GFRAL: variants seen among roughly 807,000 people sequenced by gnomAD.
GFRAL encodes GDNF family receptor alpha-like.
A neutral mutation model predicts 45.4 loss-of-function variants in GFRAL; 36 were observed. The observed-to-expected ratio is 0.79, with a 90% CI of 0.61 to 1.05. The LOEUF is 1.05. Among genes scored for constraint, GFRAL ranks in the 50% least tolerant of loss-of-function variants. GFRAL has a pLI of 0.00. For synonymous variants in GFRAL, 166 were observed against 154.1 expected, an observed-to-expected ratio of 1.08 and a Z score of -0.57; for missense variants, 507 against 467.5, an observed-to-expected ratio of 1.08 and a Z score of -0.78.
chr6:55,354,125 T>G (rs1438118764), intron 5 of GFRAL, among the ~76,000 whole-genome samples: 1 of 152,060 alleles, frequency 6.6e-6, no homozygotes, highest in African/African-American at 2.4e-5. Context: ...GCATTCAACC[T>G]TCAAAGCATG....
Position 55,399,360 on chromosome 6 carries a change from T to C in GFRAL, c.1049-9T>C. 6.2e-7 allele frequency: 1 copy of C among 1,601,288 alleles called. No homozygotes were observed. The highest frequency in any genetic ancestry group is 8.5e-7 in the Non-Finnish European group (1 of 1,170,010). On this transcript the variant is annotated splice_polypyrimidine_tract_variant and intron_variant, in intron 7 of 8. Coordinates refer to ENST00000340465, the MANE Select transcript of GFRAL (RefSeq NM_207410.2). Reference sequence around the variant, plus strand: ...TGACTATTATTTCTTAATCTTTTTCTTTTTCTAGGAGAAGTAATCTATGCT... The same window carrying C: ...TGACTATTATTTCTTAATCTTTTTCCTTTTCTAGGAGAAGTAATCTATGCT...
rs1458607830 is a variant in GFRAL at position 55,333,909 on chromosome 6, A to T, written c.281A>T (p.Asn94Ile). ...LCTDDFYCTV[N>I]KLLGKKCINK... is the part of the protein sequence containing the mutation. ...ACTGATGACTTCTATTGTACTGTGA[A>T]CAAACTGCTTGGAAAAAAATGTATC... Residue 94 changes from asparagine (N) to isoleucine (I), a missense_variant, in exon 3 of 9, where the codon AAC becomes ATC. Asn to Ile is a moderately radical substitution (Grantham distance 149). Coordinates refer to ENST00000340465, the MANE Select transcript of GFRAL (RefSeq NM_207410.2). 2 of 1,571,572 alleles carry T rather than the reference A, an allele frequency of 1.3e-6. No homozygotes were observed.
chr6:55,368,608 A>G (rs1336838414), intron 6 of GFRAL, among the ~76,000 whole-genome samples: 2 of 151,152 alleles, frequency 1.3e-5, no homozygotes, highest in East Asian at 2.0e-4. Flanking sequence ...GGTGATGTAC[A>G]GATGGGTTTT....
chr6:55,328,440 G>A (rs10498803), intron 1 of GFRAL, among the ~76,000 whole-genome samples: 3,203 of 151,806 alleles, frequency 0.021, 56 homozygotes, highest in Middle Eastern at 0.044. Flanking sequence ...AAATTGTATC[G>A]AACATAAAAG....
chr6:55,327,671 T>C (rs973961873), intron 1 of GFRAL, 95 bp downstream of exon 1: 2 of 1,117,772 alleles, frequency 1.8e-6, no homozygotes, highest in Non-Finnish European at 2.7e-6. Context: ...CAGGGGCTTA[T>C]AATATGAAGT....
At chr6:55,394,416 CAGA>C (rs1203402950) in intron 6 of GFRAL, among the ~76,000 whole-genome samples, 1 of 151,984 alleles carries the variant, frequency 6.6e-6, no homozygotes, top group Admixed American at 6.6e-5. Context: ...TTGAAGACAG[CAGA>C]AGAAGCCAGT....
At chr6:55,383,536 G>C (rs1210209412) in intron 6 of GFRAL, among the ~76,000 whole-genome samples, 1 of 151,952 alleles carries the variant, frequency 6.6e-6, no homozygotes, top group African/African-American at 2.4e-5. Flanking sequence ...GTAACATGCT[G>C]TACGGGTTTG....
At position 55,351,548 on chromosome 6, in the gene GFRAL, T is replaced by C; in HGVS notation, c.666T>C (p.Ser222=). ...VNMVPPPTCL[S]VIRSCQNDEL... is the part of the protein sequence containing the mutation. ...TGGTTCCACCCCCTACTTGCCTCAGTGTAATTCGCAGCTGCCAAAATGATG... is the reference window on the plus strand; with the variant it reads ...TGGTTCCACCCCCTACTTGCCTCAGCGTAATTCGCAGCTGCCAAAATGATG... The change falls in exon 5 of 9, where the codon AGT becomes AGC. Residue 222 remains serine, a synonymous_variant. Coordinates refer to ENST00000340465, the MANE Select transcript of GFRAL (RefSeq NM_207410.2). The C allele has an allele frequency of 6.2e-7, 1 of 1,602,074 alleles. No homozygotes were observed. Among genetic ancestry groups the C allele is most frequent in the African/African-American group, 1.3e-5 (1 of 74,772 alleles).
At chr6:55,353,988 G>A (rs568760506) in intron 5 of GFRAL, among the ~76,000 whole-genome samples, 2 of 152,054 alleles carry the variant, frequency 1.3e-5, no homozygotes, top group East Asian at 3.9e-4. Context: ...CCAGGGCCAG[G>A]GGCACCATGG....
chr6:55,358,917 G>C lies in GFRAL; in HGVS notation c.731G>C (p.Cys244Ser), dbSNP rs758768423. The C allele has an allele frequency of 6.2e-7, 1 of 1,612,412 alleles. No homozygotes were observed. The highest frequency in any genetic ancestry group is 1.1e-5 in the South Asian group (1 of 91,048). ...CACTATAGAACATTTCAGTCAAAAT[G>C]CTGGCAGCGTGTGACTAGAAAGTGC... is the stretch of plus-strand genomic sequence containing the variant. The part of the protein sequence containing the change: ...RRHYRTFQSK[C>S]WQRVTRKCHE... Residue 244 changes from cysteine to serine, a missense_variant, in exon 6 of 9, where the codon TGC (cysteine) becomes TCC (serine). Physicochemically the swap from Cys to Ser is moderately radical, Grantham distance 112 (BLOSUM62 -1). Coordinates refer to ENST00000340465, the MANE Select transcript of GFRAL (RefSeq NM_207410.2).
intron 6 of GFRAL, among the ~76,000 whole-genome samples, chr6:55,396,725 T>G (rs1768830055): frequency 6.6e-6 from 1 of 152,116 alleles, no homozygotes; most frequent in Non-Finnish European, 1.5e-5. Context: ...AAAAAAAGTA[T>G]TATTTAAAAT....
chr6:55,338,525 C>A (rs892971791), intron 3 of GFRAL, among the ~76,000 whole-genome samples: 1 of 151,946 alleles, frequency 6.6e-6, no homozygotes, highest in African/African-American at 2.4e-5. Context: ...ATAATAATTG[C>A]CAAATATCAC....
chr6:55,361,499 T>A (rs1334809250), intron 6 of GFRAL, among the ~76,000 whole-genome samples: 1 of 152,050 alleles, frequency 6.6e-6, no homozygotes, highest in Admixed American at 6.6e-5. Context: ...TCATATTATA[T>A]TTTATCATTT....
chr6:55,363,661 C>A (rs1413533728), intron 6 of GFRAL, among the ~76,000 whole-genome samples: 1 of 144,044 alleles, frequency 6.9e-6, no homozygotes, highest in African/African-American at 2.6e-5. Context: ...CTGTTCAATT[C>A]CCACCTATGA....
At chr6:55,342,277 AGGTTG>A (rs1767977877) in intron 3 of GFRAL, among the ~76,000 whole-genome samples, 1 of 152,220 alleles carries the variant, frequency 6.6e-6, no homozygotes, top group African/African-American at 2.4e-5. Context: ...CCAGAGAGAA[AGGTTG>A]GGTTACCCAC....
At position 55,366,536 on chromosome 6, in the gene GFRAL, G is replaced by A. The variant is rs1346770895; in HGVS notation, c.952+7398G>A. On this transcript the variant is annotated intron_variant, in intron 6 of 8. Coordinates refer to ENST00000340465, the MANE Select transcript of GFRAL (RefSeq NM_207410.2). ...TAGTTCTTTTAATTGCGATGTTAGG[G>A]TGTCAGTTTTGGATCTTTCCTGCTT... Among the ~76,000 whole-genome samples the A allele has an allele frequency of 2.1e-5, 3 of 143,962 alleles. 1 individual carries two copies. The highest frequency in any genetic ancestry group is 8.1e-5 in the African/African-American group (3 of 36,984). 94.4% of individuals were successfully genotyped at this position (143,962 alleles called of 152,430 possible). A position where few individuals can be genotyped will look rare whatever the true frequency, so the allele number is the denominator to read the frequency against.
At chr6:55,360,982 A>G (rs1768267823) in intron 6 of GFRAL, among the ~76,000 whole-genome samples, 1 of 151,994 alleles carries the variant, frequency 6.6e-6, no homozygotes, top group Admixed American at 6.6e-5. Context: ...GTTTTTCTCA[A>G]ATATAATAAC....
At chr6:55,332,289 T>G (rs1391657081) in intron 2 of GFRAL, among the ~76,000 whole-genome samples, 4 of 152,186 alleles carry the variant, frequency 2.6e-5, no homozygotes, top group African/African-American at 4.8e-5. Context: ...ATGCGGTATT[T>G]CCAATTCTAT....
At chr6:55,367,678 T>G (rs1451295062) in intron 6 of GFRAL, among the ~76,000 whole-genome samples, 1 of 149,090 alleles carries the variant, frequency 6.7e-6, no homozygotes, top group Non-Finnish European at 1.5e-5. Flanking sequence ...CTGTAAAGTA[T>G]TTTATTTCTT....
Sources: gnomAD v4.1 joint callset for allele counts (sites outside exome capture counted in the v4.1 genomes callset) on GRCh38, gnomAD v4.1.1 for gene constraint, MANE v1.5 for transcripts, NCBI Gene and HGNC (gene_info 2026-07-23, HGNC 2026-07-21) for gene names.